The following KLHDC2 variants were observed in gnomAD, a reference collection of about 807,000 sequenced individuals.
KLHDC2 encodes the protein kelch domain containing 2.
Under a neutral mutation model 62.3 loss-of-function variants are expected in KLHDC2, and 38 were observed. That is an observed-to-expected ratio of 0.61 (90% CI 0.47 to 0.80). KLHDC2 has a LOEUF of 0.80. Ranked by LOEUF, KLHDC2 falls within the 30% of genes least tolerant of loss-of-function variation. The pLI is 0.00. For missense variants in KLHDC2, 430 were observed against 495.3 expected (o/e 0.87, Z 1.25); for synonymous variants, 159 against 161.0 (o/e 0.99, Z 0.09).
chr14:49,774,362 AC>A (rs1747553185), intron 2 of KLHDC2, among the ~76,000 whole-genome samples, 198 bp from the exon 3 acceptor site: 1 of 152,228 alleles, frequency 6.6e-6, no homozygotes, highest in African/African-American at 2.4e-5. Flanking sequence ...GCCAGCTGGC[AC>A]TGTTTGTGGA....
chr14:49,778,731 T>G (rs555638648), intron 6 of KLHDC2, among the ~76,000 whole-genome samples: 26 of 151,978 alleles, frequency 1.7e-4, no homozygotes, highest in African/African-American at 6.0e-4. Flanking sequence ...TAATACTTTT[T>G]TTTTTTTTTT....
intron 2 of KLHDC2, among the ~76,000 whole-genome samples, chr14:49,772,404 G>T (rs1481570912): frequency 6.6e-6 from 1 of 152,168 alleles, no homozygotes; most frequent in African/African-American, 2.4e-5. Context: ...TTTAAAAATA[G>T]TGTTGTTCTG....
rs747800170 is a variant in KLHDC2, at chr14:49,784,753, T to C, written c.*1800T>C. The C allele has an allele frequency of 3.9e-6, 6 of 1,529,172 alleles. No individual in the cohort carries two copies. Among genetic ancestry groups the C allele is most frequent in the South Asian group, 1.2e-5 (1 of 85,726 alleles). 94.7% of individuals were successfully genotyped at this position (1,529,172 alleles called of 1,614,324 possible). A position where few individuals can be genotyped will look rare whatever the true frequency, so the allele number is the denominator to read the frequency against. On this transcript the variant is annotated 3_prime_UTR_variant, in exon 13 of 13. Coordinates refer to ENST00000298307, the MANE Select transcript of KLHDC2 (RefSeq NM_014315.3). ...TTGCTGAATATCTTCACATCCTGTATGGTCAATCATGTTTCTTTTATGACA... is the reference window on the plus strand; with the variant it reads ...TTGCTGAATATCTTCACATCCTGTACGGTCAATCATGTTTCTTTTATGACA...
At chr14:49,778,907 G>C (rs1339166890) in intron 6 of KLHDC2, among the ~76,000 whole-genome samples, 2 of 152,048 alleles carry the variant, frequency 1.3e-5, no homozygotes, top group South Asian at 4.1e-4. Context: ...TGTATTTTTA[G>C]TAGAGACGGG....
chr14:49,774,509 C>A, intron 2 of KLHDC2, 52 bp from the exon 3 acceptor site: 2 of 1,116,786 alleles, frequency 1.8e-6, no homozygotes, highest in Non-Finnish European at 2.7e-6. Context: ...AATTAATAGA[C>A]TTTTGCATTT....
chr14:49,774,015 T>A (rs1474920358), intron 2 of KLHDC2, among the ~76,000 whole-genome samples: 1 of 152,234 alleles, frequency 6.6e-6, no homozygotes, highest in African/African-American at 2.4e-5. Flanking sequence ...TTAGGTTGAT[T>A]CAGATCAATT....
At chr14:49,778,877 C>G (rs1300522258) in intron 6 of KLHDC2, among the ~76,000 whole-genome samples, 1 of 151,988 alleles carries the variant, frequency 6.6e-6, no homozygotes, top group Admixed American at 6.6e-5. Flanking sequence ...ATGCCCGCAA[C>G]CACGCCCAGC....
chr14:49,776,630 A>G (rs1889778716), intron 3 of KLHDC2, among the ~76,000 whole-genome samples: 1 of 152,066 alleles, frequency 6.6e-6, no homozygotes, highest in African/African-American at 2.4e-5. Context: ...CATAAAATAA[A>G]TATCAGGGCT....
chr14:49,783,344 G>A lies in KLHDC2; in HGVS notation c.*391G>A, dbSNP rs1890003601. 1 of 148,268 alleles carries A rather than the reference G, an allele frequency of 6.7e-6. No homozygotes were observed. Among genetic ancestry groups the A allele is most frequent in the South Asian group, 2.2e-4 (1 of 4,464 alleles). The allele number at this position is 148,268 out of a possible 1,614,324, so 9.2% of individuals were successfully genotyped here. On this transcript the variant is annotated 3_prime_UTR_variant, in exon 13 of 13. Transcript: ENST00000298307. Reference sequence around the variant, plus strand: ...GAGTAGTCTATAGTTATGTAACCTAGTGTTGTAAATACAATATAATAAAGG... The same window carrying A: ...GAGTAGTCTATAGTTATGTAACCTAATGTTGTAAATACAATATAATAAAGG...
intron 2 of KLHDC2, among the ~76,000 whole-genome samples, chr14:49,773,142 G>A (rs937664276): frequency 7.3e-5 from 11 of 151,080 alleles, no homozygotes; most frequent in African/African-American, 1.9e-4. Flanking sequence ...GGCCGGGCAC[G>A]GTGGCTCACA....
At position 49,768,569 on chromosome 14, in the gene KLHDC2, G is replaced by C. The variant is rs1389067574; in HGVS notation, c.101G>C (p.Gly34Ala). Reference protein sequence around the residue: ...MELACPAERSGHVAVSDGRHM... With the variant: ...MELACPAERSAHVAVSDGRHM... ...CTTGCCTGCCCCGCTGAGCGCAGCGGCCACGTAGCCGTCAGCGACGGGCGC... is the reference window on the plus strand; with the variant it reads ...CTTGCCTGCCCCGCTGAGCGCAGCGCCCACGTAGCCGTCAGCGACGGGCGC... The change falls in exon 1 of 13, where the codon GGC becomes GCC. Residue 34 changes from glycine (G) to alanine (A), a missense_variant. Physicochemically the swap from Gly to Ala is moderately conservative, Grantham distance 60. Transcript: ENST00000298307. The C allele has an allele frequency of 6.2e-7, 1 of 1,606,508 alleles. No individual in the cohort carries two copies. The highest frequency in any genetic ancestry group is 1.7e-5 in the Admixed American group (1 of 59,056).
chr14:49,774,668 A>G lies in KLHDC2; in HGVS notation c.341A>G (p.Asn114Ser). 6.3e-7 allele frequency: 1 copy of G among 1,580,940 alleles called. No individual in the cohort carries two copies. Among genetic ancestry groups the G allele is most frequent in the Non-Finnish European group, 8.7e-7 (1 of 1,149,572 alleles). ...TTTGGAGGACACCATTCAAGAGGCA[A>G]TACCAATAAGGTTAGTGTTTCTAAG... ...YLFGGHHSRGNTNKFYMLDSR... is the reference protein window; with the variant it reads ...YLFGGHHSRGSTNKFYMLDSR... The change falls in exon 3 of 13, where the codon AAT becomes AGT. Residue 114 changes from asparagine to serine, a missense_variant. Physicochemically the swap from Asn to Ser is conservative, Grantham distance 46. Coordinates refer to ENST00000298307, the MANE Select transcript of KLHDC2 (RefSeq NM_014315.3).
chr14:49,769,014 G>A (rs1889604782), intron 1 of KLHDC2: 1 of 168,948 alleles, frequency 5.9e-6, no homozygotes, highest in Non-Finnish European at 1.3e-5. Context: ...CGGCCTACGA[G>A]GACTTCACCC....
intron 3 of KLHDC2, among the ~76,000 whole-genome samples, chr14:49,776,634 C>T (rs1374358314): frequency 1.3e-5 from 2 of 151,866 alleles, no homozygotes; most frequent in African/African-American, 2.4e-5. Flanking sequence ...AAATAAATAT[C>T]AGGGCTGGGT....
chr14:49,768,941 A>G, intron 1 of KLHDC2: 1 of 301,108 alleles, frequency 3.3e-6, no homozygotes, highest in Non-Finnish European at 6.2e-6. Context: ...TGGGCGGTGC[A>G]TTCGGAAGGG....
chr14:49,772,852 A>G (rs1889692377), intron 2 of KLHDC2, among the ~76,000 whole-genome samples: 1 of 152,214 alleles, frequency 6.6e-6, no homozygotes, highest in African/African-American at 2.4e-5. Flanking sequence ...GCTACTAGGG[A>G]GGCTGAGGCA....
chr14:49,779,849 T>A (rs1237702439), intron 8 of KLHDC2, 43 bp downstream of exon 8: 3 of 1,392,592 alleles, frequency 2.2e-6, no homozygotes, highest in Non-Finnish European at 3.1e-6. Context: ...TTCAGATTGT[T>A]TTTACCCTAT....
Position 49,779,646 on chromosome 14 carries a change from A to G in KLHDC2, c.685A>G (p.Arg229Gly). 1.2e-6 allele frequency: 2 copies of G among 1,614,176 alleles called. No homozygotes were observed. The highest frequency in any genetic ancestry group is 1.7e-6 in the Non-Finnish European group (2 of 1,180,012). The change falls in exon 7 of 13, where the codon AGA becomes GGA. Residue 229 changes from arginine (R) to glycine (G), a missense_variant. Transcript: ENST00000298307. ...AAHACATVGNRGFVFGGRYRD... is the reference protein window; with the variant it reads ...AAHACATVGNGGFVFGGRYRD... ...CCATGCCTGTGCAACTGTCGGAAAT[A>G]GAGGCTTCGTGTTTGGAGGCAGATA...
chr14:49,785,575 TAC>T lies in KLHDC2; in HGVS notation c.*2624_*2625del, dbSNP rs148985928. The T allele has an allele frequency of 2.6e-6, 1 of 381,538 alleles. No homozygotes were observed. 23.6% of individuals were successfully genotyped at this position (381,538 alleles called of 1,614,324 possible). On this transcript the variant is annotated 3_prime_UTR_variant, in exon 13 of 13. Transcript: ENST00000298307. ...GAACAATAATTTTCAAAATCCTACC[TAC>T]AGTTACATTTAAGAGAAAGAAGGCC...
Sources: gnomAD v4.1 joint callset for allele counts (sites outside exome capture counted in the v4.1 genomes callset) on GRCh38, gnomAD v4.1.1 for gene constraint, MANE v1.5 for transcripts, NCBI Gene and HGNC (gene_info 2026-07-23, HGNC 2026-07-21) for gene names.